Variants in CPEB4 observed in about 807,000 individuals in gnomAD.
CPEB4 encodes cytoplasmic polyadenylation element binding protein 4.
CPEB4 carries 12 observed loss-of-function variants against 72.5 expected under a neutral mutation model. The ratio of observed to expected loss-of-function variants is 0.17; its 90% CI spans 0.11 to 0.27. The LOEUF is 0.27. Among genes scored for constraint, CPEB4 ranks in the 10% least tolerant of loss-of-function variants. CPEB4 has a pLI of 1.00. For missense variants in CPEB4, 614 were observed against 908.5 expected (o/e 0.68, Z 4.17); for synonymous variants, 302 against 326.3 (o/e 0.93, Z 0.80).
intron 2 of CPEB4, among the ~76,000 whole-genome samples, chr5:173,926,017 G>A (rs1420786526): frequency 3.3e-5 from 5 of 152,180 alleles, no homozygotes; most frequent in Non-Finnish European, 7.3e-5. Context: ...TCACTTTAGA[G>A]TTATTCCCTA....
intron 2 of CPEB4, among the ~76,000 whole-genome samples, chr5:173,919,922 C>T (rs1162743544): frequency 6.6e-6 from 1 of 152,146 alleles, no homozygotes; most frequent in African/African-American, 2.4e-5. Context: ...TTACCATTAT[C>T]CTTACTACCA....
At chr5:173,911,429 A>AT (rs1242334249) in intron 2 of CPEB4, among the ~76,000 whole-genome samples, 2 of 151,954 alleles carry the variant, frequency 1.3e-5, no homozygotes, top group African/African-American at 4.8e-5. Context: ...CGCCCGGCTC[A>AT]TTTTTTGTAT....
intron 1 of CPEB4, chr5:173,891,653 A>G (rs1021439186): frequency 2.6e-5 from 4 of 152,180 alleles, no homozygotes; most frequent in African/African-American, 7.2e-5. Flanking sequence ...TGCTACCAGA[A>G]TATCTTTATT....
At chr5:173,951,310 TC>T (rs1476206557) in intron 7 of CPEB4, among the ~76,000 whole-genome samples, 2 of 141,392 alleles carry the variant, frequency 1.4e-5, no homozygotes, top group African/African-American at 2.4e-5. Context: ...GAAGTATTTG[TC>T]ATAAAAAAAA....
rs1190560168 is a variant in CPEB4, at chr5:173,900,417, A to C, written c.1125+9559A>C. ...CGGAACTCTGTCTCAAAAAAAAAAAAAGTTGTACATTAGGGTGGACCCCTC... is the reference window on the plus strand; with the variant it reads ...CGGAACTCTGTCTCAAAAAAAAAAACAGTTGTACATTAGGGTGGACCCCTC... On this transcript the variant is annotated intron_variant, in intron 1 of 9. Transcript: ENST00000265085. The surrounding 1 kb of genome is among the most constrained non-coding windows in gnomAD (Gnocchi z 4.4). Among the ~76,000 whole-genome samples the C allele has an allele frequency of 1.3e-5, 2 of 151,938 alleles. No homozygotes were observed. The highest frequency in any genetic ancestry group is 2.9e-5 in the Non-Finnish European group (2 of 67,948).
chr5:173,890,201 A>T lies in CPEB4; in HGVS notation c.468A>T (p.Gln156His), dbSNP rs781253396. ...QEATGLGTST[Q>H]PLTSSASSLT... ...CCACTGGGCTAGGTACTTCAACCCA[A>T]CCCTTGACATCTAGCGCATCGTCTC... Residue 156 changes from glutamine (Q) to histidine (H), a missense_variant, in exon 1 of 10, where the codon CAA becomes CAT. By Grantham distance (24) the Gln-to-His change is conservative (BLOSUM62 0). Transcript: ENST00000265085. 3.0e-5 allele frequency: 49 copies of T among 1,614,060 alleles called. No individual in the cohort carries two copies. Among genetic ancestry groups the T allele is most frequent in the Non-Finnish European group, 3.9e-5 (46 of 1,180,030 alleles).
At chr5:173,930,359 C>T (rs1757401907) in intron 2 of CPEB4, among the ~76,000 whole-genome samples, 1 of 152,060 alleles carries the variant, frequency 6.6e-6, no homozygotes, top group African/African-American at 2.4e-5. Context: ...CTTGGCCCTC[C>T]ATCCCCCAAG....
intron 1 of CPEB4, among the ~76,000 whole-genome samples, chr5:173,902,633 T>C (rs17076682): frequency 0.015 from 2,268 of 152,236 alleles, 57 homozygotes; most frequent in African/African-American, 0.051. Flanking sequence ...GTGATGTAGA[T>C]CTCATTCTCT....
At chr5:173,917,133 CACTT>C (rs775896902) in intron 2 of CPEB4, among the ~76,000 whole-genome samples, 25 of 152,168 alleles carry the variant, frequency 1.6e-4, no homozygotes, top group East Asian at 1.5e-3. Context: ...TAAATTTTGT[CACTT>C]ATTTATTTCA....
intron 3 of CPEB4, among the ~76,000 whole-genome samples, chr5:173,941,816 C>T (rs1191033809): frequency 1.3e-5 from 2 of 152,096 alleles, no homozygotes; most frequent in Non-Finnish European, 2.9e-5. Context: ...AGGCGGAGGC[C>T]GCAGTGAGCT....
At chr5:173,927,012 A>G (rs1396804989) in intron 2 of CPEB4, among the ~76,000 whole-genome samples, 2 of 152,110 alleles carry the variant, frequency 1.3e-5, no homozygotes, top group East Asian at 1.9e-4. Flanking sequence ...TTACCCGCGC[A>G]TGATGGCGGG....
chr5:173,904,992 TAATA>T (rs1756376591), intron 1 of CPEB4, among the ~76,000 whole-genome samples: 1 of 108,700 alleles, frequency 9.2e-6, no homozygotes, highest in Admixed American at 8.9e-5. Context: ...ATAATAATAA[TAATA>T]ATAATAATAA....
At chr5:173,938,469 G>A (rs1757709078) in intron 3 of CPEB4, among the ~76,000 whole-genome samples, 2 of 152,002 alleles carry the variant, frequency 1.3e-5, no homozygotes, top group African/African-American at 2.4e-5. Flanking sequence ...CAAATGATCT[G>A]CCCACCTCAA....
At chr5:173,932,608 T>G in intron 3 of CPEB4, 108 bp downstream of exon 3, 1 of 774,268 alleles carries the variant, frequency 1.3e-6, no homozygotes, top group East Asian at 2.8e-5. Context: ...TAACTGTAAG[T>G]TGCTATTAAA....
At chr5:173,944,923 A>G in intron 4 of CPEB4, 44 bp from the exon 5 acceptor site, 1 of 1,537,352 alleles carries the variant, frequency 6.5e-7, no homozygotes, top group Non-Finnish European at 8.9e-7. Flanking sequence ...ATCAGTGGCA[A>G]GGAACATTTT....
intron 2 of CPEB4, among the ~76,000 whole-genome samples, chr5:173,914,844 ATTGT>A (rs1335127440): frequency 6.6e-6 from 1 of 152,208 alleles, no homozygotes; most frequent in Non-Finnish European, 1.5e-5. Flanking sequence ...AAAAGATTTG[ATTGT>A]TTTAGACTTT....
At chr5:173,939,002 T>G (rs1431618592) in intron 3 of CPEB4, among the ~76,000 whole-genome samples, 1 of 152,150 alleles carries the variant, frequency 6.6e-6, no homozygotes, top group Non-Finnish European at 1.5e-5. Context: ...AAAAAGTATT[T>G]CATGGCCAGG....
chr5:173,934,499 G>A (rs1229295209), intron 3 of CPEB4, among the ~76,000 whole-genome samples: 2 of 152,132 alleles, frequency 1.3e-5, no homozygotes, highest in African/African-American at 4.8e-5. Flanking sequence ...AACATCTCTT[G>A]CTGGCTCCCC....
chr5:173,919,982 C>T (rs959656149), intron 2 of CPEB4, among the ~76,000 whole-genome samples: 3 of 152,162 alleles, frequency 2.0e-5, no homozygotes, highest in African/African-American at 7.2e-5. Flanking sequence ...TCTTGCTTAG[C>T]CCTGTACAAT....
Sources: gnomAD v4.1 joint callset for allele counts (sites outside exome capture counted in the v4.1 genomes callset) on GRCh38, gnomAD v4.1.1 for gene constraint, Gnocchi (gnomAD v3.1) non-coding constraint, MANE v1.5 for transcripts, NCBI Gene and HGNC (gene_info 2026-07-23, HGNC 2026-07-21) for gene names.